GDAP1L1: variants seen among roughly 807,000 people sequenced by gnomAD.
The protein encoded by GDAP1L1 is ganglioside-induced differentiation-associated protein 1-like 1.
In GDAP1L1, 21 loss-of-function variants were observed where a neutral mutation model predicts 37.1. The ratio of observed to expected loss-of-function variants is 0.57; its 90% CI spans 0.40 to 0.81. GDAP1L1 has a LOEUF of 0.81. Ranked by LOEUF, GDAP1L1 falls within the 40% of genes least tolerant of loss-of-function variation. The pLI is 0.00. For synonymous variants in GDAP1L1, 193 were observed against 209.1 expected (o/e 0.92, Z 0.67); for missense variants, 362 against 491.6 (o/e 0.74, Z 2.49).
chr20:44,277,013 T>A (rs553485951), intron 5 of GDAP1L1, among the ~76,000 whole-genome samples: 25 of 152,292 alleles, frequency 1.6e-4, no homozygotes, highest in African/African-American at 5.5e-4. Context: ...TTTATTTTTT[T>A]AATTTTTATT....
Position 44,263,297 on chromosome 20 carries a change from G to C in GDAP1L1, c.615G>C (p.Glu205Asp). 1 of 1,614,070 alleles carries C rather than the reference G, an allele frequency of 6.2e-7. No individual in the cohort carries two copies. Among genetic ancestry groups the C allele is most frequent in the Non-Finnish European group, 8.5e-7 (1 of 1,179,956 alleles). The change falls in exon 4 of 6, where the codon GAG (glutamate) becomes GAC (aspartate). Residue 205 changes from glutamate (E) to aspartate (D), a missense_variant. Glu to Asp is a conservative substitution (Grantham distance 45, BLOSUM62 2). Transcript: ENST00000342560. ...LDHEEEPQLSEPYLSKQKKLM... is the reference protein window; with the variant it reads ...LDHEEEPQLSDPYLSKQKKLM... ...ATGAAGAGGAGCCCCAGCTCTCCGA[G>C]CCCTACCTTTCTAAACAAAAGAAGC...
At chr20:44,261,114 G>T (rs2073666114) in intron 3 of GDAP1L1, among the ~76,000 whole-genome samples, 1 of 152,200 alleles carries the variant, frequency 6.6e-6, no homozygotes, top group Admixed American at 6.5e-5. Context: ...TTTCTCTGAG[G>T]AGGCAGAGAG....
chr20:44,278,748 A>T (rs1373068437), intron 5 of GDAP1L1, among the ~76,000 whole-genome samples: 1 of 151,698 alleles, frequency 6.6e-6, no homozygotes, highest in Non-Finnish European at 1.5e-5. Context: ...ACAAAAGAAT[A>T]AAAAAAAAGA....
chr20:44,247,981 G>A (rs2073365928), intron 1 of GDAP1L1, among the ~76,000 whole-genome samples: 1 of 152,056 alleles, frequency 6.6e-6, no homozygotes. Context: ...AGGCCCCCAG[G>A]TCACAGCTCC....
intron 5 of GDAP1L1, among the ~76,000 whole-genome samples, chr20:44,267,658 A>G (rs1227550360): frequency 2.0e-5 from 3 of 151,804 alleles, no homozygotes; most frequent in African/African-American, 2.4e-5. Flanking sequence ...ATGAGTGCCT[A>G]CGTCCCAGGG....
rs62205984 is a variant in GDAP1L1 at position 44,271,316 on chromosome 20, C to T, written c.760+6757C>T. ...TTCTCCCACACTAAGCGGGTATCAG[C>T]GCAGAGGAGTCAGCAAAGCCCACTG... is the stretch of plus-strand genomic sequence containing the variant. On this transcript the variant is annotated intron_variant, in intron 5 of 5. Coordinates refer to ENST00000342560, the MANE Select transcript of GDAP1L1 (RefSeq NM_024034.6). Among the ~76,000 whole-genome samples the T allele has an allele frequency of 7.4e-3, 1,128 of 152,228 alleles. 16 individuals are homozygous for T. The highest frequency in any genetic ancestry group is 0.052 in the East Asian group (268 of 5,180).
intron 5 of GDAP1L1, among the ~76,000 whole-genome samples, chr20:44,271,485 G>A (rs1361388124): frequency 6.6e-6 from 1 of 152,146 alleles, no homozygotes; most frequent in Non-Finnish European, 1.5e-5. Flanking sequence ...TTCTACCATG[G>A]ATGTCAGCGG....
At position 44,257,240 on chromosome 20, in the gene GDAP1L1, A is replaced by G; in HGVS notation, c.268A>G (p.Met90Val). The change falls in exon 2 of 6, where the codon ATG becomes GTG. Residue 90 changes from methionine to valine, a missense_variant. Transcript: ENST00000342560. Reference protein sequence around the residue: ...PQSEHKEPWFMRLNLGEEVPV... With the variant: ...PQSEHKEPWFVRLNLGEEVPV... ...GAGCGAGCACAAGGAGCCCTGGTTC[A>G]TGCGGCTCAACCTGGGCGAGGAGGT... is the stretch of plus-strand genomic sequence containing the variant. 6.2e-7 allele frequency: 1 copy of G among 1,613,414 alleles called. No individual in the cohort carries two copies.
intron 5 of GDAP1L1, among the ~76,000 whole-genome samples, chr20:44,267,243 G>A (rs111408159): frequency 6.4e-4 from 98 of 152,276 alleles, no homozygotes; most frequent in African/African-American, 2.3e-3. Flanking sequence ...TAATATCAGC[G>A]ATCCTGTTTA....
intron 5 of GDAP1L1, among the ~76,000 whole-genome samples, chr20:44,269,105 T>A (rs144548155): frequency 6.6e-6 from 1 of 152,204 alleles, no homozygotes; most frequent in Non-Finnish European, 1.5e-5. Flanking sequence ...ACAGTAAATG[T>A]TGATTACTTT....
intron 1 of GDAP1L1, among the ~76,000 whole-genome samples, chr20:44,255,814 G>A (rs1238701938): frequency 2.0e-5 from 3 of 152,134 alleles, no homozygotes; most frequent in Non-Finnish European, 4.4e-5. Flanking sequence ...GGAAGCATAA[G>A]AATGGGGCCA....
At chr20:44,258,683 C>A in intron 3 of GDAP1L1, 76 bp downstream of exon 3, 1 of 1,091,110 alleles carries the variant, frequency 9.2e-7, no homozygotes, top group Non-Finnish European at 1.3e-6. Flanking sequence ...GGATGTCCTC[C>A]CTCTCCTGGG....
At chr20:44,263,829 G>T (rs760083407) in intron 4 of GDAP1L1, among the ~76,000 whole-genome samples, 32 of 152,188 alleles carry the variant, frequency 2.1e-4, no homozygotes, top group Non-Finnish European at 4.0e-4. Context: ...GGGCAACAGA[G>T]TGAGACTCTG....
At chr20:44,274,112 CTT>C (rs2062548536) in intron 5 of GDAP1L1, among the ~76,000 whole-genome samples, 1 of 152,186 alleles carries the variant, frequency 6.6e-6, no homozygotes, top group Admixed American at 6.5e-5. Context: ...TATATGCCCT[CTT>C]GTTACCAAGG....
chr20:44,272,436 G>T (rs2062528192), intron 5 of GDAP1L1, among the ~76,000 whole-genome samples: 1 of 152,176 alleles, frequency 6.6e-6, no homozygotes, highest in Non-Finnish European at 1.5e-5. Context: ...AAGAGAGGAT[G>T]AAAAGATGCA....
intron 5 of GDAP1L1, among the ~76,000 whole-genome samples, chr20:44,269,125 C>T (rs1374494748): frequency 6.6e-6 from 1 of 152,086 alleles, no homozygotes; most frequent in Non-Finnish European, 1.5e-5. Context: ...TGCACAGTGC[C>T]CAGCTCAAGA....
chr20:44,262,209 G>A (rs901208419), intron 3 of GDAP1L1, among the ~76,000 whole-genome samples: 14 of 152,138 alleles, frequency 9.2e-5, no homozygotes, highest in African/African-American at 3.4e-4. Flanking sequence ...GTAAGGGAGA[G>A]AGGGGAGGTG....
At chr20:44,264,345 C>A in intron 4 of GDAP1L1, 100 bp from the exon 5 acceptor site, 1 of 1,316,664 alleles carries the variant, frequency 7.6e-7, no homozygotes, top group South Asian at 2.1e-5. Context: ...CATTTGGAGG[C>A]TGGGTTTGCA....
intron 3 of GDAP1L1, among the ~76,000 whole-genome samples, chr20:44,262,667 A>AT (rs56091782): frequency 1.3e-5 from 2 of 151,306 alleles, no homozygotes; most frequent in Admixed American, 6.6e-5. Flanking sequence ...GTTTATTTTT[A>AT]TTTTTTTTAA....
Sources: gnomAD v4.1 joint callset for allele counts (sites outside exome capture counted in the v4.1 genomes callset) on GRCh38, gnomAD v4.1.1 for gene constraint, MANE v1.5 for transcripts, NCBI Gene and HGNC (gene_info 2026-07-23, HGNC 2026-07-21) for gene names.